The following KLF8 variants were observed in gnomAD, a reference collection of about 807,000 sequenced individuals.
The protein encoded by KLF8 is KLF transcription factor 8, also known as Krueppel-like factor 8.
Under a neutral mutation model 18.2 loss-of-function variants are expected in KLF8, and 10 were observed. The observed-to-expected ratio is 0.55, with a 90% CI of 0.34 to 0.93. The LOEUF (loss-of-function observed/expected upper bound fraction) is 0.93, where lower values mean the gene tolerates loss of function less well. Ranked by LOEUF, KLF8 falls within the 40% of genes least tolerant of loss-of-function variation. The pLI is 0.02. For synonymous variants in KLF8, 109 were observed against 97.3 expected, an observed-to-expected ratio of 1.12 and a Z score of -0.71; for missense variants, 264 against 277.9, an observed-to-expected ratio of 0.95 and a Z score of 0.36.
the KLF8 span, among the ~76,000 whole-genome samples, chrX:55,969,964 A>T: frequency 9.0e-6 from 1 of 111,170 alleles, no homozygotes; most frequent in African/African-American, 3.3e-5. Context: ...AGAAAATCTG[A>T]TGACTCAATG....
the KLF8 span, among the ~76,000 whole-genome samples, chrX:56,200,265 A>G: frequency 2.7e-5 from 3 of 111,114 alleles, no homozygotes; most frequent in Non-Finnish European, 3.8e-5. Flanking sequence ...ACGTAAACAC[A>G]TTGTATGTAC....
At chrX:56,099,992 G>A in the KLF8 span, among the ~76,000 whole-genome samples, 3 of 111,774 alleles carry the variant, frequency 2.7e-5, no homozygotes, top group South Asian at 7.5e-4. Flanking sequence ...TAGACAAAAG[G>A]AGCCTTATAT....
the KLF8 span, among the ~76,000 whole-genome samples, chrX:56,160,646 G>A: frequency 4.2e-4 from 47 of 111,390 alleles, 1 homozygote; most frequent in Non-Finnish European, 9.4e-5. Flanking sequence ...TTATGTAATG[G>A]CCTTCTTTGT....
rs1424148647 is a variant in KLF8 at position 56,257,685 on chromosome X, G to A, written c.81+7381G>A. ...GTATCCATATTGCTGCAAAAGACAT[G>A]ATTTTGTTCTTATTTATGTCTACAT... On this transcript the variant is annotated intron_variant, in intron 2 of 5. Coordinates refer to ENST00000468660, the MANE Select transcript of KLF8 (RefSeq NM_007250.5). 4.5e-5 allele frequency among the ~76,000 whole-genome samples: 5 copies of A among 112,107 alleles called. No individual in the cohort carries two copies. The East Asian group carries it at 1.4e-3, about 31-fold the overall frequency.
At chrX:56,265,801 CATCCT>C in intron 3 of KLF8, 57 bp downstream of exon 3, 11 of 1,139,866 alleles carry the variant, frequency 9.7e-6, no homozygotes, top group Non-Finnish European at 1.3e-5. Context: ...CTTTTAGAGT[CATCCT>C]ATCTCCTGTC....
chrX:56,253,330 T>G (rs1176537127), intron 2 of KLF8, among the ~76,000 whole-genome samples: 1 of 112,286 alleles, frequency 8.9e-6, no homozygotes, highest in Non-Finnish European at 1.9e-5. Flanking sequence ...CTGCAGCAGT[T>G]TCATAGTTTG....
At chrX:56,008,137 T>TATATATATATACAC in the KLF8 span, among the ~76,000 whole-genome samples, 2 of 106,468 alleles carry the variant, frequency 1.9e-5, no homozygotes, top group Admixed American at 2.0e-4. Flanking sequence ...TATATATATA[T>TATATATATATACAC]ACACACACAA....
the KLF8 span, among the ~76,000 whole-genome samples, chrX:56,192,028 G>A: frequency 9.0e-6 from 1 of 111,506 alleles, no homozygotes; most frequent in Non-Finnish European, 1.9e-5. Context: ...AAAGGCAGAA[G>A]ACAAATTATT....
chrX:56,043,198 T>C, the KLF8 span, among the ~76,000 whole-genome samples: 3 of 111,315 alleles, frequency 2.7e-5, no homozygotes, highest in Non-Finnish European at 3.8e-5. Context: ...GTTAATCTGA[T>C]AGGCTTCCCT....
the KLF8 span, among the ~76,000 whole-genome samples, chrX:56,194,090 G>A: frequency 1.8e-5 from 2 of 110,896 alleles, no homozygotes; most frequent in African/African-American, 3.3e-5. Context: ...TCGGGGTGGG[G>A]AGGTGTTCCA....
chrX:56,253,404 T>C (rs2066740716), intron 2 of KLF8, among the ~76,000 whole-genome samples: 1 of 111,920 alleles, frequency 8.9e-6, no homozygotes, highest in Admixed American at 9.5e-5. Flanking sequence ...AGAGATAGGG[T>C]TCTGGTTTCA....
the KLF8 span, among the ~76,000 whole-genome samples, chrX:56,202,551 A>G: frequency 1.4e-5 from 1 of 71,220 alleles, no homozygotes; most frequent in African/African-American, 4.8e-5. Flanking sequence ...TTTTTGTACC[A>G]TTAACCTTCC....
the KLF8 span, among the ~76,000 whole-genome samples, chrX:56,028,038 C>G: frequency 8.9e-6 from 1 of 112,104 alleles, no homozygotes; most frequent in Admixed American, 9.4e-5. Context: ...TGGAGGCCAG[C>G]CTTTTGAAAC....
At chrX:56,171,810 G>T in the KLF8 span, among the ~76,000 whole-genome samples, 1 of 111,851 alleles carries the variant, frequency 8.9e-6, no homozygotes, top group African/African-American at 3.2e-5. Flanking sequence ...CCTTGCTATT[G>T]TGAATAGTGC....
chrX:55,947,170 A>C, the KLF8 span, among the ~76,000 whole-genome samples: 2 of 111,283 alleles, frequency 1.8e-5, no homozygotes, highest in Non-Finnish European at 3.8e-5. Flanking sequence ...TCATGCTGCT[A>C]TAAAGACACA....
the KLF8 span, among the ~76,000 whole-genome samples, chrX:56,176,812 T>C: frequency 8.9e-6 from 1 of 111,913 alleles, no homozygotes; most frequent in Non-Finnish European, 1.9e-5. Context: ...CTTTTTATTC[T>C]TTTTTCTCTA....
the KLF8 span, among the ~76,000 whole-genome samples, chrX:55,931,633 G>A: frequency 3.6e-5 from 4 of 111,974 alleles, no homozygotes; most frequent in Non-Finnish European, 7.5e-5. Context: ...TATTTACCCA[G>A]TAGTCATTCA....
At position 56,288,870 on chromosome X, in the gene KLF8, G is replaced by A. The variant is rs2067295577; in HGVS notation, c.*4376G>A. 8.9e-6 allele frequency among the ~76,000 whole-genome samples: 1 copy of A among 111,760 alleles called. No individual in the cohort carries two copies. Among genetic ancestry groups the A allele is most frequent in the African/African-American group, 3.3e-5 (1 of 30,720 alleles). Reference sequence around the variant, plus strand: ...GCCTGTATTTACATGACTCATCACTGTTGTTTAACCTTGATCACCTGGCTG... The same window carrying A: ...GCCTGTATTTACATGACTCATCACTATTGTTTAACCTTGATCACCTGGCTG... On this transcript the variant is annotated 3_prime_UTR_variant, in exon 6 of 6. Transcript: ENST00000468660.
the KLF8 span, among the ~76,000 whole-genome samples, chrX:56,099,025 A>G: frequency 8.9e-6 from 1 of 112,024 alleles, no homozygotes; most frequent in Non-Finnish European, 1.9e-5. Flanking sequence ...GTAACAAGAC[A>G]TATGTCACTT....
Sources: allele counts gnomAD v4.1 joint callset (sites outside exome capture counted in the v4.1 genomes callset), GRCh38; gene constraint gnomAD v4.1.1; transcripts MANE v1.5; gene names NCBI Gene and HGNC (gene_info 2026-07-23, HGNC 2026-07-21).